Variants in ENO1 observed in about 807,000 individuals in gnomAD.
ENO1 encodes the protein enolase 1.
Under a neutral mutation model 46.3 loss-of-function variants are expected in ENO1, and 33 were observed. That is an observed-to-expected ratio of 0.71 (90% CI 0.54 to 0.95). The LOEUF (loss-of-function observed/expected upper bound fraction) is 0.95, where lower values mean the gene tolerates loss of function less well. Ranked by LOEUF, ENO1 falls within the 40% of genes least tolerant of loss-of-function variation. ENO1 has a pLI of 0.00. For missense variants in ENO1, 488 were observed against 553.3 expected (o/e 0.88, Z 1.18); for synonymous variants, 220 against 216.0 (o/e 1.02, Z -0.16).
In ENO1 at chr1:8,869,517, T is replaced by C. The variant is rs534820942; in HGVS notation, c.240+935A>G. Among the ~76,000 whole-genome samples, 21 of 152,276 alleles carry C rather than the reference T, an allele frequency of 1.4e-4. No individual in the cohort carries two copies. The South Asian group carries it at 2.9e-3, about 21-fold the overall frequency. On this transcript the variant is annotated intron_variant, in intron 4 of 11. Coordinates refer to ENST00000234590, the MANE Select transcript of ENO1 (RefSeq NM_001428.5). ...GGAGGAGAGGGACTAGATTCAAGAA[T>C]AGACGGAGGCTGTGGCTGGGCTTGG...
At chr1:8,874,769 T>C (rs1270020058) in intron 2 of ENO1, 55 bp downstream of exon 2, 1 of 1,517,654 alleles carries the variant, frequency 6.6e-7, no homozygotes, top group Non-Finnish European at 9.0e-7. Context: ...TGTAGAAAAT[T>C]TTTAAAATGA....
Position 8,861,416 on chromosome 1 carries a change from G to A in ENO1, c.1249C>T (p.Leu417=). ...CCGGCAAACTTAGCCTTGCTGCCCAGCTCCTCTTCAATTCTTGGGAAGGAG... is the reference window on the plus strand; with the variant it reads ...CCGGCAAACTTAGCCTTGCTGCCCAACTCCTCTTCAATTCTTGGGAAGGAG... The part of the protein sequence containing the change: ...YNQLLRIEEE[L]GSKAKFAGRN... Residue 417 remains leucine (L), a synonymous_variant, in exon 12 of 12, where the codon CTG becomes TTG. Coordinates refer to ENST00000234590, the MANE Select transcript of ENO1 (RefSeq NM_001428.5). 5 of 1,614,086 alleles carry A rather than the reference G, an allele frequency of 3.1e-6. No homozygotes were observed. The highest frequency in any genetic ancestry group is 4.2e-6 in the Non-Finnish European group (5 of 1,180,006).
intron 2 of ENO1, 149 bp downstream of exon 2, chr1:8,874,675 A>G: frequency 1.9e-6 from 1 of 517,412 alleles, no homozygotes; most frequent in Non-Finnish European, 3.3e-6. Context: ...CCCAACCCTC[A>G]CAGTCAGGAA....
At chr1:8,871,789 A>T in intron 3 of ENO1, 102 bp downstream of exon 3, 1 of 1,375,252 alleles carries the variant, frequency 7.3e-7, no homozygotes, top group African/African-American at 1.4e-5. Flanking sequence ...TACCTGCCAT[A>T]AACCTGCAAG....
intron 4 of ENO1, 62 bp from the exon 5 acceptor site, chr1:8,868,119 C>T (rs1156664199): frequency 8.3e-7 from 1 of 1,203,996 alleles, no homozygotes; most frequent in Admixed American, 1.9e-5. Context: ...CCTTTGCTCC[C>T]CTACCATGGA....
intron 3 of ENO1, 37 bp from the exon 4 acceptor site, chr1:8,870,547 C>CT (rs1557584693): frequency 6.2e-7 from 1 of 1,613,792 alleles, no homozygotes; most frequent in South Asian, 1.1e-5. Context: ...CTGACATTAA[C>CT]TTTAAAACAG....
At chr1:8,871,870 G>C (rs974778117) in intron 3 of ENO1, 21 bp downstream of exon 3, 11 of 1,610,690 alleles carry the variant, frequency 6.8e-6, no homozygotes, top group Non-Finnish European at 8.5e-6. Flanking sequence ...GAGGCCATGG[G>C]CTGTGGGTTC....
At chr1:8,861,879 T>G (rs1642412235) in intron 11 of ENO1, among the ~76,000 whole-genome samples, 1 of 62,288 alleles carries the variant, frequency 1.6e-5, no homozygotes, top group African/African-American at 6.1e-5. Context: ...GATCTTGATG[T>G]TAAAAAAAAA....
chr1:8,864,478 T>G (rs987669137), intron 8 of ENO1, among the ~76,000 whole-genome samples: 3 of 152,180 alleles, frequency 2.0e-5, no homozygotes, highest in Admixed American at 6.5e-5. Context: ...TTATTTTATT[T>G]TATTTTTTTG....
rs1472662105 is a variant in ENO1, at chr1:8,878,663, G to T, written c.-93C>A. ...TGAACGTAAAGCCGGCGAGATCTCC[G>T]TGCTCCGGGTACCCACAGATACTGT... On this transcript the variant is annotated 5_prime_UTR_variant, in exon 1 of 12. Transcript: ENST00000234590. 2 of 455,984 alleles carry T rather than the reference G, an allele frequency of 4.4e-6. No individual in the cohort carries two copies. The highest frequency in any genetic ancestry group is 3.1e-5 in the South Asian group (2 of 64,570). 28.2% of individuals were successfully genotyped at this position (455,984 alleles called of 1,614,324 possible).
intron 3 of ENO1, 58 bp from the exon 4 acceptor site, chr1:8,870,568 C>T (rs868296090): frequency 6.2e-7 from 1 of 1,610,678 alleles, no homozygotes; most frequent in African/African-American, 1.3e-5. Context: ...GCTTGAGCAG[C>T]ATTGTTAGAG....
intron 1 of ENO1, among the ~76,000 whole-genome samples, chr1:8,876,566 C>T (rs1642736939): frequency 6.6e-6 from 1 of 152,114 alleles, no homozygotes; most frequent in African/African-American, 2.4e-5. Context: ...TATTAGGGTG[C>T]CTCAGTACTT....
intron 1 of ENO1, among the ~76,000 whole-genome samples, chr1:8,876,783 G>A (rs1336116644): frequency 6.7e-6 from 1 of 150,288 alleles, no homozygotes; most frequent in Non-Finnish European, 1.5e-5. Flanking sequence ...GGGCGACAGA[G>A]AGACTCCGTC....
intron 1 of ENO1, among the ~76,000 whole-genome samples, chr1:8,877,346 G>A (rs1407713455): frequency 6.6e-6 from 1 of 151,018 alleles, no homozygotes; most frequent in African/African-American, 2.4e-5. Context: ...GGCCCACCTC[G>A]GCATCCCAAA....
At chr1:8,869,939 GGAGGGTAAATGA>G (rs1377508562) in intron 4 of ENO1, among the ~76,000 whole-genome samples, 1 of 152,194 alleles carries the variant, frequency 6.6e-6, no homozygotes, top group Non-Finnish European at 1.5e-5. Flanking sequence ...CGGGCCGAAG[GGAGGGTAAATGA>G]GATAAAACCT....
At chr1:8,868,215 G>A (rs1459603422) in intron 4 of ENO1, among the ~76,000 whole-genome samples, 158 bp from the exon 5 acceptor site, 1 of 151,960 alleles carries the variant, frequency 6.6e-6, no homozygotes, top group Non-Finnish European at 1.5e-5. Context: ...AAAATCAGTG[G>A]GGAGACAAAA....
At chr1:8,866,214 A>AC (rs1218945233) in intron 7 of ENO1, 65 bp downstream of exon 7, 4 of 1,385,972 alleles carry the variant, frequency 2.9e-6, no homozygotes, top group Non-Finnish European at 3.0e-6. Flanking sequence ...GGTGTGGACG[A>AC]CCCCCCAACA....
intron 8 of ENO1, 50 bp from the exon 9 acceptor site, chr1:8,864,142 C>G (rs1401696792): frequency 6.3e-7 from 1 of 1,593,628 alleles, no homozygotes; most frequent in South Asian, 1.1e-5. Context: ...CCAGTGTGCT[C>G]CACCGCAATG....
At position 8,861,308 on chromosome 1, in the gene ENO1, G is replaced by A. The variant is rs1194512174; in HGVS notation, c.*52C>T. 1.9e-6 allele frequency: 3 copies of A among 1,593,158 alleles called. No homozygotes were observed. The Admixed American group carries it at 5.0e-5, about 27-fold the overall frequency. On this transcript the variant is annotated 3_prime_UTR_variant, in exon 12 of 12. Coordinates refer to ENST00000234590, the MANE Select transcript of ENO1 (RefSeq NM_001428.5). ...CTCGAGCTGCCTGAGCTGACACGAG[G>A]GGAGGGGTCTGTGTAGCCAACAGGT...
Sources: allele counts gnomAD v4.1 joint callset (sites outside exome capture counted in the v4.1 genomes callset), GRCh38; gene constraint gnomAD v4.1.1; transcripts MANE v1.5; gene names NCBI Gene and HGNC (gene_info 2026-07-23, HGNC 2026-07-21).